Variants in TBX21 observed in about 807,000 individuals in gnomAD.
TBX21 encodes the protein T-box transcription factor 21, also known as T-box transcription factor TBX21.
A neutral mutation model predicts 52.2 loss-of-function variants in TBX21; 11 were observed. The observed-to-expected ratio is 0.21, with a 90% CI of 0.13 to 0.35. The LOEUF is 0.35. Among genes scored for constraint, TBX21 ranks in the 10% least tolerant of loss-of-function variants. TBX21 has a pLI of 1.00. For synonymous variants in TBX21, 300 were observed against 316.1 expected (o/e 0.95, Z 0.54); for missense variants, 625 against 755.1 (o/e 0.83, Z 2.02).
Position 47,739,111 on chromosome 17 carries a change from G to A in TBX21, c.492-3499G>A, listed in dbSNP as rs534454556. ...TGGGGTCTTGGACCCTGTCTTATGA[G>A]GGTGGGATGGTAAGTGGCCTTTAGG... On this transcript the variant is annotated intron_variant, in intron 1 of 5. Transcript: ENST00000177694. Among the ~76,000 whole-genome samples, 122 of 152,262 alleles carry A rather than the reference G, an allele frequency of 8.0e-4. 1 individual carries two copies. The highest frequency in any genetic ancestry group is 2.8e-3 in the African/African-American group (118 of 41,538).
intron 1 of TBX21, among the ~76,000 whole-genome samples, chr17:47,736,039 T>A (rs577341199): frequency 1.3e-5 from 2 of 152,322 alleles, no homozygotes; most frequent in East Asian, 3.9e-4. Flanking sequence ...GTAGAGCACT[T>A]CAGGGAGGCA....
chr17:47,737,886 A>C (rs572278552), intron 1 of TBX21, among the ~76,000 whole-genome samples: 15 of 152,170 alleles, frequency 9.9e-5, no homozygotes, highest in Non-Finnish European at 2.1e-4. Flanking sequence ...CGGCCTCTCA[A>C]AGTGCTGGGA....
intron 1 of TBX21, among the ~76,000 whole-genome samples, chr17:47,735,794 C>T (rs1032387613): frequency 6.6e-6 from 1 of 152,256 alleles, no homozygotes; most frequent in Non-Finnish European, 1.5e-5. Flanking sequence ...GGGGCTTGCA[C>T]TCCATCACAC....
In TBX21 at chr17:47,744,740, T is replaced by C; in HGVS notation, c.990-8T>C. 1 of 1,604,800 alleles carries C rather than the reference T, an allele frequency of 6.2e-7. No homozygotes were observed. ...TGACCCGTTTTCTTGCCTTCTATTT[T>C]TTTCTAGCATGTACACATCTGTTGA... On this transcript the variant is annotated splice_polypyrimidine_tract_variant and splice_region_variant and intron_variant, in intron 5 of 5. Transcript: ENST00000177694.
rs1274504829 is a variant in TBX21 at position 47,733,263 on chromosome 17, C to A, written c.-192C>A. 2 of 720,946 alleles carry A rather than the reference C, an allele frequency of 2.8e-6. No individual in the cohort carries two copies. The highest frequency in any genetic ancestry group is 4.1e-6 in the Non-Finnish European group (2 of 488,624). The allele number at this position is 720,946 out of a possible 1,614,324, so 44.7% of individuals were successfully genotyped here. On this transcript the variant is annotated 5_prime_UTR_variant, in exon 1 of 6. Coordinates refer to ENST00000177694, the MANE Select transcript of TBX21 (RefSeq NM_013351.2). The surrounding 1 kb of genome is among the most constrained non-coding windows in gnomAD (Gnocchi z 6.6). ...TGACAGCGGCCCGCTGGAGAGGAAG[C>A]CCGAGAGCTGCCGCGCGCCTGCCGG...
rs1413947106 is a variant in TBX21, at chr17:47,733,498, C to T, written c.44C>T (p.Thr15Ile). ...EPGCGDMLTG[T>I]EPMPGSDEGR... ...GGTTGCGGAGACATGCTGACGGGCACCGAGCCGATGCCGGGGAGCGACGAG... is the reference window on the plus strand; with the variant it reads ...GGTTGCGGAGACATGCTGACGGGCATCGAGCCGATGCCGGGGAGCGACGAG... The change falls in exon 1 of 6, where the codon ACC becomes ATC. Residue 15 changes from threonine (T) to isoleucine (I), a missense_variant. Thr to Ile is a moderately conservative substitution (Grantham distance 89). Transcript: ENST00000177694. The surrounding 1 kb of genome is among the most constrained non-coding windows in gnomAD (Gnocchi z 6.6). 7 of 1,495,106 alleles carry T rather than the reference C, an allele frequency of 4.7e-6. No individual in the cohort carries two copies. Among genetic ancestry groups the T allele is most frequent in the Non-Finnish European group, 5.3e-6 (6 of 1,128,226 alleles). The allele number at this position is 1,495,106 out of a possible 1,614,324, so 92.6% of individuals were successfully genotyped here.
At chr17:47,734,042 G>T in intron 1 of TBX21, 97 bp downstream of exon 1, 4 of 1,580,270 alleles carry the variant, frequency 2.5e-6, no homozygotes, top group Admixed American at 1.7e-5. Context: ...CTGACTCCGT[G>T]TCCCTCACTG....
At chr17:47,736,980 A>G (rs2032214074) in intron 1 of TBX21, among the ~76,000 whole-genome samples, 1 of 152,048 alleles carries the variant, frequency 6.6e-6, no homozygotes, top group African/African-American at 2.4e-5. Context: ...ATCCCTCGGT[A>G]TTGACCAGCG....
chr17:47,744,861 G>A lies in TBX21; in HGVS notation c.1103G>A (p.Arg368His), dbSNP rs764888861. 4.3e-5 allele frequency: 69 copies of A among 1,614,026 alleles called. No individual in the cohort carries two copies. The highest frequency in any genetic ancestry group is 5.5e-5 in the Non-Finnish European group (65 of 1,180,036). Residue 368 changes from arginine to histidine, a missense_variant, in exon 6 of 6, where the codon CGC (arginine) becomes CAC (histidine). Arg to His is a conservative substitution (Grantham distance 29, BLOSUM62 0). Transcript: ENST00000177694. The stretch of plus-strand genomic sequence containing the variant: ...CCCAACCAGTATCCTGTTCCCAGCC[G>A]CTTCTACCCCGACCTTCCTGGCCAG... ...LLPNQYPVPS[R>H]FYPDLPGQAK...
Position 47,742,710 on chromosome 17 carries a change from C to T in TBX21, c.592C>T (p.Arg198Trp). ...DVVLVDQHHWRYQSGKWVQCG... is the reference protein window; with the variant it reads ...DVVLVDQHHWWYQSGKWVQCG... The stretch of plus-strand genomic sequence containing the variant: ...GGTCTTGGTGGACCAGCACCACTGG[C>T]GGTACCAGAGCGGCAAGTGGGTGCA... The change falls in exon 2 of 6, where the codon CGG (arginine) becomes TGG (tryptophan). Residue 198 changes from arginine (R) to tryptophan (W), a missense_variant. Physicochemically the swap from Arg to Trp is moderately radical, Grantham distance 101 (BLOSUM62 -3). This residue lies in a region of TBX21 where 142 missense variants were observed against 258.5 expected (regional missense o/e 0.55). Coordinates refer to ENST00000177694, the MANE Select transcript of TBX21 (RefSeq NM_013351.2). This position sits in a 1 kb window ranked among gnomAD's most constrained non-coding sequence, Gnocchi z 4.4. 6.3e-7 allele frequency: 1 copy of T among 1,591,136 alleles called. No individual in the cohort carries two copies. The highest frequency in any genetic ancestry group is 8.6e-7 in the Non-Finnish European group (1 of 1,169,286).
In TBX21 at chr17:47,742,549, G is replaced by A; in HGVS notation, c.492-61G>A. 6.6e-7 allele frequency: 1 copy of A among 1,514,886 alleles called. No individual in the cohort carries two copies. Among genetic ancestry groups the A allele is most frequent in the Non-Finnish European group, 8.9e-7 (1 of 1,125,964 alleles). The allele number at this position is 1,514,886 out of a possible 1,614,324, so 93.8% of individuals were successfully genotyped here. On this transcript the variant is annotated intron_variant, in intron 1 of 5. Transcript: ENST00000177694. The surrounding 1 kb of genome is among the most constrained non-coding windows in gnomAD (Gnocchi z 4.4). ...CCACTGATGCCTGGGCACTGTTGCA[G>A]GGGGGACTGGCTGTCAAGCTGGAGC...
rs767391531 is a variant in TBX21, at chr17:47,744,164, C to T, written c.769-31C>T. ...TGGGATCCTCGAAATCCTTCCTCCC[C>T]ACCCCTACAACCGTCTTGCTCTGTC... On this transcript the variant is annotated intron_variant, in intron 3 of 5. Transcript: ENST00000177694. The T allele has an allele frequency of 5.6e-6, 9 of 1,605,836 alleles. No homozygotes were observed. The Admixed American group carries it at 1.0e-4, about 18-fold the overall frequency.
rs1429633980 is a variant in TBX21 at position 47,744,348 on chromosome 17, G to A, written c.922G>A (p.Ala308Thr). Residue 308 changes from alanine to threonine, a missense_variant, in exon 4 of 6, where the codon GCC becomes ACC. This residue lies in a region of TBX21 where 142 missense variants were observed against 258.5 expected (regional missense o/e 0.55). Coordinates refer to ENST00000177694, the MANE Select transcript of TBX21 (RefSeq NM_013351.2). ...CATTGCCGTGACTGCCTACCAGAAT[G>A]CCGAGGTGAGGGCTGCCTGAGCCCC... ...QFIAVTAYQN[A>T]EITQLKIDNN... is the part of the protein sequence containing the mutation. The A allele has an allele frequency of 1.9e-6, 3 of 1,614,132 alleles. No individual in the cohort carries two copies. Among genetic ancestry groups the A allele is most frequent in the East Asian group, 2.2e-5 (1 of 44,900 alleles).
chr17:47,738,022 C>G (rs1309403270), intron 1 of TBX21, among the ~76,000 whole-genome samples: 1 of 149,624 alleles, frequency 6.7e-6, no homozygotes, highest in Non-Finnish European at 1.5e-5. Flanking sequence ...TGATCTCAAG[C>G]AATCTCCCGC....
At chr17:47,734,098 G>A (rs904338906) in intron 1 of TBX21, among the ~76,000 whole-genome samples, 153 bp downstream of exon 1, 21 of 152,168 alleles carry the variant, frequency 1.4e-4, no homozygotes, top group African/African-American at 4.6e-4. Context: ...TTGTTAGGAG[G>A]ACAGGGAAAG....
At position 47,742,786 on chromosome 17, in the gene TBX21, G is replaced by A; in HGVS notation, c.646+22G>A. On this transcript the variant is annotated intron_variant, in intron 2 of 5. Coordinates refer to ENST00000177694, the MANE Select transcript of TBX21 (RefSeq NM_013351.2). This position sits in a 1 kb window ranked among gnomAD's most constrained non-coding sequence, Gnocchi z 4.4. ...CCAGGTGCGCGCGCCCCTGGGAGCGGTGGGCTCTGTTTCGCTGGGACTGGG... is the reference window on the plus strand; with the variant it reads ...CCAGGTGCGCGCGCCCCTGGGAGCGATGGGCTCTGTTTCGCTGGGACTGGG... 2.6e-6 allele frequency: 4 copies of A among 1,547,730 alleles called. No homozygotes were observed. The highest frequency in any genetic ancestry group is 2.6e-6 in the Non-Finnish European group (3 of 1,145,300).
rs199900544 is a variant in TBX21, at chr17:47,744,303, A to G, written c.877A>G (p.Thr293Ala). 1 of 1,614,198 alleles carries G rather than the reference A, an allele frequency of 6.2e-7. No homozygotes were observed. The highest frequency in any genetic ancestry group is 2.2e-5 in the East Asian group (1 of 44,886). ...CAACGCTTCCAACACGCATATCTTT[A>G]CTTTCCAAGAAACCCAGTTCATTGC... ...ACNASNTHIF[T>A]FQETQFIAVT... Residue 293 changes from threonine (T) to alanine (A), a missense_variant, in exon 4 of 6, where the codon ACT (threonine) becomes GCT (alanine). Physicochemically the swap from Thr to Ala is moderately conservative, Grantham distance 58. Transcript: ENST00000177694.
chr17:47,737,954 T>A (rs8082611), intron 1 of TBX21, among the ~76,000 whole-genome samples: 2,378 of 152,206 alleles, frequency 0.016, 65 homozygotes, highest in African/African-American at 0.052. Flanking sequence ...AAATTTTTTT[T>A]AATTTATTTT....
At chr17:47,735,701 C>G (rs552088172) in intron 1 of TBX21, among the ~76,000 whole-genome samples, 1 of 152,364 alleles carries the variant, frequency 6.6e-6, no homozygotes, top group South Asian at 2.1e-4. Context: ...AGTGCTTTCA[C>G]TTCCATTATT....
Sources: allele counts gnomAD v4.1 joint callset (sites outside exome capture counted in the v4.1 genomes callset), GRCh38; gene constraint gnomAD v4.1.1; regional missense constraint gnomAD v4.1.1; non-coding constraint Gnocchi (gnomAD v3.1); transcripts MANE v1.5; gene names NCBI Gene and HGNC (gene_info 2026-07-23, HGNC 2026-07-21).